LEKR1: variants seen among roughly 807,000 people sequenced by gnomAD.
The protein encoded by LEKR1 is protein LEKR1.
In LEKR1, 59 loss-of-function variants were observed where a neutral mutation model predicts 72.4. The observed-to-expected ratio is 0.82, with a 90% CI of 0.66 to 1.01. The LOEUF is 1.01. Among genes scored for constraint, LEKR1 ranks in the 50% least tolerant of loss-of-function variants. The pLI is 0.00. For synonymous variants in LEKR1, 257 were observed against 263.2 expected (o/e 0.98, Z 0.23); for missense variants, 728 against 759.2 (o/e 0.96, Z 0.48).
intron 7 of LEKR1, among the ~76,000 whole-genome samples, chr3:156,986,637 C>T (rs749810376): frequency 6.6e-6 from 1 of 152,162 alleles, no homozygotes; most frequent in Non-Finnish European, 1.5e-5. Flanking sequence ...GACTCCAGAT[C>T]CAGACTGCTG....
In LEKR1 at chr3:156,991,564, A is replaced by T. The variant is rs911062100; in HGVS notation, c.828-1089A>T. ...TAATGAATAGTCTGAATACATTTAA[A>T]TTGGATATTAAATTTTTAATATATT... is the stretch of plus-strand genomic sequence containing the variant. On this transcript the variant is annotated intron_variant, in intron 7 of 12. Coordinates refer to ENST00000356539, the MANE Select transcript of LEKR1 (RefSeq NM_001004316.3). Among the ~76,000 whole-genome samples, 6 of 152,234 alleles carry T rather than the reference A, an allele frequency of 3.9e-5. No homozygotes were observed. The South Asian group carries it at 1.2e-3, about 32-fold the overall frequency.
At chr3:157,006,171 A>G (rs1461404328) in intron 9 of LEKR1, among the ~76,000 whole-genome samples, 5 of 151,246 alleles carry the variant, frequency 3.3e-5, no homozygotes, top group Admixed American at 3.3e-4. Context: ...GCGCCCGGCT[A>G]ATTTTTTGTA....
chr3:156,913,243 A>G (rs1017449198), intron 3 of LEKR1, among the ~76,000 whole-genome samples: 1 of 152,078 alleles, frequency 6.6e-6, no homozygotes, highest in Admixed American at 6.6e-5. Flanking sequence ...TTTTAACGAT[A>G]TTGATTTTTT....
intron 12 of LEKR1, among the ~76,000 whole-genome samples, chr3:157,032,825 A>T (rs1488202965): frequency 6.6e-6 from 1 of 150,986 alleles, no homozygotes; most frequent in Non-Finnish European, 1.5e-5. Context: ...TTTTTTCCCC[A>T]CAAATTGAAG....
intron 6 of LEKR1, among the ~76,000 whole-genome samples, chr3:156,971,737 A>G (rs1729217698): frequency 6.6e-6 from 1 of 152,252 alleles, no homozygotes; most frequent in East Asian, 1.9e-4. Flanking sequence ...GACACGTGAA[A>G]AAATGCTCAT....
chr3:156,886,328 G>A (rs111321900), intron 3 of LEKR1, among the ~76,000 whole-genome samples: 1 of 152,058 alleles, frequency 6.6e-6, no homozygotes, highest in Non-Finnish European at 1.5e-5. Context: ...ACCCCAGGCC[G>A]TGAGCTACTC....
intron 9 of LEKR1, among the ~76,000 whole-genome samples, chr3:157,003,135 T>G (rs78902156): frequency 6.6e-6 from 1 of 152,264 alleles, no homozygotes; most frequent in East Asian, 1.9e-4. Flanking sequence ...GAAACCTAAT[T>G]TAAGAAATTA....
intron 3 of LEKR1, among the ~76,000 whole-genome samples, chr3:156,896,075 G>C (rs1560060526): frequency 1.3e-5 from 2 of 152,168 alleles, no homozygotes; most frequent in African/African-American, 2.4e-5. Context: ...AGATGGAGCT[G>C]AAGTCATTAT....
intron 9 of LEKR1, among the ~76,000 whole-genome samples, chr3:156,995,396 A>G (rs1400159967): frequency 6.6e-6 from 1 of 152,122 alleles, no homozygotes; most frequent in Non-Finnish European, 1.5e-5. Context: ...CCTAACTCCT[A>G]TTCTTCTTCT....
chr3:156,968,944 A>G (rs565545316), intron 6 of LEKR1, among the ~76,000 whole-genome samples: 2 of 152,360 alleles, frequency 1.3e-5, no homozygotes, highest in South Asian at 4.1e-4. Context: ...CCACAGTGCA[A>G]TCAAACTAGA....
intron 5 of LEKR1, among the ~76,000 whole-genome samples, chr3:156,933,435 C>G (rs1725429127): frequency 6.6e-6 from 1 of 152,068 alleles, no homozygotes; most frequent in South Asian, 2.1e-4. Context: ...TGTATGAGAC[C>G]TCCAGTTGCT....
chr3:157,029,914 A>G (rs1734480740), intron 12 of LEKR1, among the ~76,000 whole-genome samples: 1 of 152,218 alleles, frequency 6.6e-6, no homozygotes, highest in Admixed American at 6.5e-5. Flanking sequence ...TAGGACAAAC[A>G]GAAAAAGACG....
chr3:157,031,962 G>A (rs954337167), intron 12 of LEKR1, among the ~76,000 whole-genome samples: 1 of 152,000 alleles, frequency 6.6e-6, no homozygotes, highest in African/African-American at 2.4e-5. Flanking sequence ...AACAAAGGGT[G>A]CAGGTCAATA....
chr3:156,863,625 A>C (rs1026245600), intron 3 of LEKR1, among the ~76,000 whole-genome samples: 1 of 152,142 alleles, frequency 6.6e-6, no homozygotes, highest in Non-Finnish European at 1.5e-5. Flanking sequence ...CTCATTGACT[A>C]AAGTATGATC....
intron 3 of LEKR1, among the ~76,000 whole-genome samples, chr3:156,863,801 G>A (rs879594966): frequency 2.6e-5 from 4 of 152,056 alleles, no homozygotes; most frequent in Admixed American, 2.0e-4. Context: ...TTATGGTAGA[G>A]TGAAGAGACT....
At chr3:156,924,369 G>A (rs922531428) in intron 4 of LEKR1, 3 of 460,474 alleles carry the variant, frequency 6.5e-6, no homozygotes, top group African/African-American at 2.0e-5. Context: ...TGGGTATAAG[G>A]CCTTTATATG....
chr3:156,829,481 G>A, intron 2 of LEKR1, 104 bp downstream of exon 2: 2 of 682,194 alleles, frequency 2.9e-6, no homozygotes, highest in Non-Finnish European at 4.9e-6. Context: ...CATAGGATCT[G>A]AATGAATTGG....
intron 2 of LEKR1, among the ~76,000 whole-genome samples, chr3:156,836,530 G>A (rs1008414483): frequency 7.2e-5 from 11 of 152,170 alleles, no homozygotes; most frequent in Admixed American, 2.0e-4. Flanking sequence ...ATAGAGCTTC[G>A]TTAAAGAAAT....
chr3:156,881,156 T>C (rs1165429663), intron 3 of LEKR1, among the ~76,000 whole-genome samples: 6 of 152,014 alleles, frequency 3.9e-5, no homozygotes, highest in Non-Finnish European at 5.9e-5. Context: ...CCAGGGCAAT[T>C]AGGCAGGAGA....
Sources: allele counts gnomAD v4.1 joint callset (sites outside exome capture counted in the v4.1 genomes callset), GRCh38; gene constraint gnomAD v4.1.1; transcripts MANE v1.5; gene names NCBI Gene and HGNC (gene_info 2026-07-23, HGNC 2026-07-21).